Variants in TRIM5 observed in about 807,000 individuals in gnomAD.
TRIM5 encodes tripartite motif containing 5, also known as tripartite motif-containing protein 5.
TRIM5 carries 31 observed loss-of-function variants against 35.6 expected under a neutral mutation model. The ratio of observed to expected loss-of-function variants is 0.87; its 90% CI spans 0.65 to 1.18. The LOEUF (loss-of-function observed/expected upper bound fraction) is 1.18, where lower values mean the gene tolerates loss of function less well. Ranked by LOEUF, TRIM5 falls within the 50% of genes most tolerant of loss-of-function variation. The pLI, the probability that TRIM5 is intolerant of heterozygous loss-of-function variation, is 0.00. For synonymous variants in TRIM5, 243 were observed against 215.6 expected, an observed-to-expected ratio of 1.13 and a Z score of -1.11; for missense variants, 609 against 591.6, an observed-to-expected ratio of 1.03 and a Z score of -0.31.
At chr11:5,630,370 T>A in the TRIM5 span, among the ~76,000 whole-genome samples, 2 of 152,128 alleles carry the variant, frequency 1.3e-5, no homozygotes, top group African/African-American at 4.8e-5. Flanking sequence ...CATCTGCTTC[T>A]CTCTGTTAAC....
At chr11:5,634,225 A>G in the TRIM5 span, among the ~76,000 whole-genome samples, 1 of 152,070 alleles carries the variant, frequency 6.6e-6, no homozygotes, top group African/African-American at 2.4e-5. Context: ...TCAAGATTCA[A>G]ATTAGGAGTG....
chr11:5,622,376 C>T, the TRIM5 span, among the ~76,000 whole-genome samples: 1 of 149,852 alleles, frequency 6.7e-6, no homozygotes, highest in Non-Finnish European at 1.5e-5. Flanking sequence ...ACCCGGCAGG[C>T]GGAGCTTGTA....
rs1850939991 is a variant in TRIM5, at chr11:5,664,008, C to G, written c.*801G>C. 6.2e-6 allele frequency: 1 copy of G among 160,688 alleles called. No homozygotes were observed. The highest frequency in any genetic ancestry group is 2.4e-5 in the African/African-American group (1 of 41,588). 10.0% of individuals were successfully genotyped at this position (160,688 alleles called of 1,614,324 possible). A position where few individuals can be genotyped will look rare whatever the true frequency, so the allele number is the denominator to read the frequency against. On this transcript the variant is annotated 3_prime_UTR_variant, in exon 8 of 8. Transcript: ENST00000380034. Reference sequence around the variant, plus strand: ...CCTGAGGTCAGAGGTTCTAGACGAGCCTAACCAACATGGGGAAACCCCGTC... The same window carrying G: ...CCTGAGGTCAGAGGTTCTAGACGAGGCTAACCAACATGGGGAAACCCCGTC...
chr11:5,603,247 AT>A, the TRIM5 span: 1 of 1,612,958 alleles, frequency 6.2e-7, no homozygotes, highest in Non-Finnish European at 8.5e-7. Flanking sequence ...TCTACCTAGG[AT>A]TCTACAGGCA....
the TRIM5 span, among the ~76,000 whole-genome samples, chr11:5,595,069 C>A: frequency 6.6e-6 from 1 of 152,174 alleles, no homozygotes; most frequent in Non-Finnish European, 1.5e-5. Flanking sequence ...ATTCCAATGA[C>A]CTTTCATTTG....
chr11:5,591,649 CA>C, the TRIM5 span, among the ~76,000 whole-genome samples: 9,688 of 118,790 alleles, frequency 0.082, 355 homozygotes, highest in Middle Eastern at 0.13. Flanking sequence ...AACTCCGCCT[CA>C]AAAAAAAAAA....
chr11:5,634,938 A>T, the TRIM5 span: 16 of 1,495,748 alleles, frequency 1.1e-5, no homozygotes, highest in Non-Finnish European at 1.4e-5. Flanking sequence ...CCTGGTGGTG[A>T]CACTAAGGGG....
At chr11:5,606,020 G>A in the TRIM5 span, among the ~76,000 whole-genome samples, 1 of 152,140 alleles carries the variant, frequency 6.6e-6, no homozygotes, top group Admixed American at 6.5e-5. Flanking sequence ...ACATTGCCAC[G>A]ATAGCCCCAG....
At chr11:5,610,048 A>T in the TRIM5 span, 1 of 1,265,254 alleles carries the variant, frequency 7.9e-7, no homozygotes, top group East Asian at 2.3e-5. Flanking sequence ...AGAAAGGAGG[A>T]TTGGAATTCA....
chr11:5,643,720 T>C, the TRIM5 span: 1 of 1,566,684 alleles, frequency 6.4e-7, no homozygotes, highest in Non-Finnish European at 8.6e-7. Flanking sequence ...ATTTTCTCAT[T>C]TCTTCACCTA....
the TRIM5 span, chr11:5,642,906 A>C: frequency 6.9e-6 from 11 of 1,602,888 alleles, no homozygotes; most frequent in Non-Finnish European, 8.5e-6. Flanking sequence ...TTATGGTTTC[A>C]ATGATATCTT....
chr11:5,593,301 T>C, the TRIM5 span, among the ~76,000 whole-genome samples: 1 of 152,174 alleles, frequency 6.6e-6, no homozygotes. Flanking sequence ...TCCCATCAGC[T>C]CCCAGCTGGT....
At chr11:5,642,852 AAGTT>A in the TRIM5 span, 1 of 1,613,840 alleles carries the variant, frequency 6.2e-7, no homozygotes, top group East Asian at 2.2e-5. Context: ...GGGTAAGAAA[AAGTT>A]AGTCTTTAAA....
chr11:5,597,073 A>ATT, the TRIM5 span, among the ~76,000 whole-genome samples: 2 of 151,788 alleles, frequency 1.3e-5, no homozygotes, highest in Non-Finnish European at 2.9e-5. Flanking sequence ...GAGACATTTT[A>ATT]ATCAGTCAGT....
At chr11:5,639,343 A>C in the TRIM5 span, among the ~76,000 whole-genome samples, 5 of 152,154 alleles carry the variant, frequency 3.3e-5, no homozygotes, top group African/African-American at 1.2e-4. Flanking sequence ...GACAATGATT[A>C]GATATAAAGG....
the TRIM5 span, among the ~76,000 whole-genome samples, chr11:5,644,683 C>A: frequency 3.3e-5 from 5 of 152,062 alleles, no homozygotes; most frequent in African/African-American, 1.2e-4. Flanking sequence ...CATATAGTTA[C>A]CGTGTGTCGG....
chr11:5,626,477 T>C, the TRIM5 span: 162 of 152,184 alleles, frequency 1.1e-3, 1 homozygote, highest in African/African-American at 3.5e-3. Flanking sequence ...CACATTTGAG[T>C]AGAATCTTAA....
At position 5,664,797 on chromosome 11, in the gene TRIM5, G is replaced by A. The variant is rs761358647; in HGVS notation, c.*12C>T. On this transcript the variant is annotated 3_prime_UTR_variant, in exon 8 of 8. Transcript: ENST00000380034. ...AGGTGCTGTACAGAAGGGGCTGAGT[G>A]TGTAAGAAGGTTCAAGAGCTTGGTG... 1.3e-6 allele frequency: 2 copies of A among 1,573,864 alleles called. No individual in the cohort carries two copies. Among genetic ancestry groups the A allele is most frequent in the Non-Finnish European group, 1.7e-6 (2 of 1,163,762 alleles).
the TRIM5 span, among the ~76,000 whole-genome samples, chr11:5,650,801 C>T: frequency 6.6e-6 from 1 of 152,142 alleles, no homozygotes; most frequent in Non-Finnish European, 1.5e-5. Context: ...GTTCAGTCTC[C>T]ACCAAGGCTC....
Sources: gnomAD v4.1 joint callset for allele counts (sites outside exome capture counted in the v4.1 genomes callset) on GRCh38, gnomAD v4.1.1 for gene constraint, MANE v1.5 for transcripts, NCBI Gene and HGNC (gene_info 2026-07-23, HGNC 2026-07-21) for gene names.